ADARB2: variants seen among roughly 807,000 people sequenced by gnomAD.
ADARB2 encodes the protein inactive double-stranded RNA-specific editase B2.
A neutral mutation model predicts 62.2 loss-of-function variants in ADARB2; 25 were observed. That is an observed-to-expected ratio of 0.40 (90% CI 0.29 to 0.56). The LOEUF (loss-of-function observed/expected upper bound fraction) is 0.56, where lower values mean the gene tolerates loss of function less well. Ranked by LOEUF, ADARB2 falls within the 20% of genes least tolerant of loss-of-function variation. The pLI is 0.43. For missense variants in ADARB2, 1,071 were observed against 1,077.4 expected, an observed-to-expected ratio of 0.99 and a Z score of 0.08; for synonymous variants, 572 against 500.8, an observed-to-expected ratio of 1.14 and a Z score of -1.90.
At chr10:1,490,535 A>T (rs1055922882) in intron 1 of ADARB2, among the ~76,000 whole-genome samples, 1 of 151,932 alleles carries the variant, frequency 6.6e-6, no homozygotes, top group Middle Eastern at 3.2e-3. Flanking sequence ...GCTTACTGCA[A>T]CCTCTGCCTC....
At chr10:1,542,865 T>C (rs370431693) in intron 1 of ADARB2, among the ~76,000 whole-genome samples, 16 of 61,824 alleles carry the variant, frequency 2.6e-4, no homozygotes, top group African/African-American at 6.0e-4. Flanking sequence ...CACTCAGATG[T>C]AGTTCAGACC....
chr10:1,668,145 C>T (rs1011814302), intron 1 of ADARB2, among the ~76,000 whole-genome samples: 5 of 152,194 alleles, frequency 3.3e-5, no homozygotes, highest in African/African-American at 1.2e-4. Context: ...GGCCCTCGCC[C>T]CACCACTCGG....
intron 1 of ADARB2, among the ~76,000 whole-genome samples, chr10:1,509,353 G>A (rs72764943): frequency 0.14 from 20,994 of 152,092 alleles, 1,657 homozygotes; most frequent in East Asian, 0.19. Context: ...TGCAATCATG[G>A]GGACTATAAC....
At chr10:1,481,546 T>G (rs893071636) in intron 1 of ADARB2, among the ~76,000 whole-genome samples, 1 of 152,202 alleles carries the variant, frequency 6.6e-6, no homozygotes. Flanking sequence ...TTGCAAATCA[T>G]ATATTTGATG....
intron 1 of ADARB2, among the ~76,000 whole-genome samples, chr10:1,566,174 T>C (rs1044702529): frequency 1.3e-5 from 2 of 151,726 alleles, no homozygotes; most frequent in Non-Finnish European, 2.9e-5. Context: ...GTTTGTAAGA[T>C]GGTTTACTTC....
intron 1 of ADARB2, among the ~76,000 whole-genome samples, chr10:1,552,713 A>C (rs781480160): frequency 8.7e-5 from 13 of 150,046 alleles, no homozygotes; most frequent in African/African-American, 1.5e-4. Flanking sequence ...AGGAGGAGGG[A>C]GGGAAGGGGA....
chr10:1,652,834 G>A (rs184457139), intron 1 of ADARB2, among the ~76,000 whole-genome samples: 71 of 152,216 alleles, frequency 4.7e-4, no homozygotes, highest in African/African-American at 1.6e-3. Flanking sequence ...CAAGACTAAG[G>A]TCTTGGCCTA....
chr10:1,320,377 C>T lies in ADARB2; in HGVS notation c.1077+42651G>A, dbSNP rs1564256232. 2.0e-5 allele frequency among the ~76,000 whole-genome samples: 3 copies of T among 152,204 alleles called. No individual in the cohort carries two copies. In the South Asian group the frequency reaches 6.2e-4, roughly 32 times the overall value. ...ATCATCCAGATTTAGGGTCTGGTAT[C>T]TAGCATCTTTCAAATCACACCATGT... is the stretch of plus-strand genomic sequence containing the variant. On this transcript the variant is annotated intron_variant, in intron 3 of 9. Coordinates refer to ENST00000381312, the MANE Select transcript of ADARB2 (RefSeq NM_018702.4).
chr10:1,449,829 T>C (rs1042887063), intron 1 of ADARB2, among the ~76,000 whole-genome samples: 10 of 152,202 alleles, frequency 6.6e-5, no homozygotes, highest in African/African-American at 2.4e-4. Context: ...TACGGATACC[T>C]AATTTAGATA....
rs1280807867 is a variant in ADARB2, at chr10:1,499,089, TACTCACTCATC to T, written c.101-119940_101-119930del. ...TACTCTTCATTAATCATTCAGTCAT[TACTCACTCATC>T]ACTCACTCATCCCTCAACACTTATT... On this transcript the variant is annotated intron_variant, in intron 1 of 9. Transcript: ENST00000381312. 1.1e-4 allele frequency among the ~76,000 whole-genome samples: 16 copies of T among 151,986 alleles called. 1 individual carries two copies. The South Asian group carries it at 1.7e-3, about 16-fold the overall frequency.
At chr10:1,555,088 T>C (rs1832681379) in intron 1 of ADARB2, among the ~76,000 whole-genome samples, 2 of 152,362 alleles carry the variant, frequency 1.3e-5, no homozygotes, top group South Asian at 4.1e-4. Flanking sequence ...TAGTGTTCCA[T>C]GGTGTCAATG....
intron 1 of ADARB2, among the ~76,000 whole-genome samples, chr10:1,670,941 G>A (rs977547902): frequency 5.3e-5 from 8 of 152,196 alleles, no homozygotes; most frequent in African/African-American, 1.7e-4. Context: ...ACAGACAAAT[G>A]TGAATCAGGC....
chr10:1,401,258 G>A (rs140957783), intron 1 of ADARB2, among the ~76,000 whole-genome samples: 4 of 152,212 alleles, frequency 2.6e-5, no homozygotes, highest in African/African-American at 9.6e-5. Context: ...TGGTCTGGTC[G>A]TGACTTTCCC....
intron 1 of ADARB2, among the ~76,000 whole-genome samples, chr10:1,483,874 GA>G (rs1564304043): frequency 6.6e-6 from 1 of 152,188 alleles, no homozygotes; most frequent in Admixed American, 6.5e-5. Flanking sequence ...ATATGACACG[GA>G]AGTAACTTAA....
At chr10:1,439,572 T>C (rs368584394) in intron 1 of ADARB2, among the ~76,000 whole-genome samples, 81 of 39,644 alleles carry the variant, frequency 2.0e-3, no homozygotes, top group African/African-American at 3.3e-3. Context: ...TCCTTCACTA[T>C]GGGGCTCCTG....
chr10:1,735,689 T>C (rs979795733), intron 1 of ADARB2, among the ~76,000 whole-genome samples: 1 of 152,192 alleles, frequency 6.6e-6, no homozygotes, highest in Non-Finnish European at 1.5e-5. Context: ...AAGCGCACAC[T>C]TAGCAGCTGA....
At chr10:1,219,709 G>T (rs1203533559) in intron 6 of ADARB2, among the ~76,000 whole-genome samples, 1 of 152,004 alleles carries the variant, frequency 6.6e-6, no homozygotes, top group East Asian at 1.9e-4. Flanking sequence ...AATGGTGGTG[G>T]TGATGGTGTT....
At chr10:1,388,336 T>C (rs954460259) in intron 1 of ADARB2, among the ~76,000 whole-genome samples, 10 of 152,292 alleles carry the variant, frequency 6.6e-5, no homozygotes, top group South Asian at 2.1e-4. Context: ...CAGGGATGTC[T>C]GCCTTCACCA....
At chr10:1,315,383 C>T (rs1161105187) in intron 3 of ADARB2, among the ~76,000 whole-genome samples, 1 of 152,228 alleles carries the variant, frequency 6.6e-6, no homozygotes, top group Non-Finnish European at 1.5e-5. Flanking sequence ...GAGCGCAAAG[C>T]GTCCTGAGCG....
Sources: allele counts gnomAD v4.1 joint callset (sites outside exome capture counted in the v4.1 genomes callset), GRCh38; gene constraint gnomAD v4.1.1; transcripts MANE v1.5; gene names NCBI Gene and HGNC (gene_info 2026-07-23, HGNC 2026-07-21).